The following CNGB1 variants were observed in gnomAD, a reference collection of about 807,000 sequenced individuals.
CNGB1 encodes the protein cyclic nucleotide-gated channel beta-1.
Under a neutral mutation model 151.7 loss-of-function variants are expected in CNGB1, and 126 were observed. The observed-to-expected ratio is 0.83, with a 90% confidence interval of 0.72 to 0.96. CNGB1 has a LOEUF of 0.96. Among genes scored for constraint, CNGB1 ranks in the 40% least tolerant of loss-of-function variants. The pLI is 0.00. For synonymous variants in CNGB1, 623 were observed against 635.1 expected, an observed-to-expected ratio of 0.98 and a Z score of 0.29; for missense variants, 1,698 against 1,627.0, an observed-to-expected ratio of 1.04 and a Z score of -0.75.
chr16:57,948,954 G>A (rs1243691388), intron 14 of CNGB1, among the ~76,000 whole-genome samples: 10 of 152,310 alleles, frequency 6.6e-5, no homozygotes, highest in Middle Eastern at 3.4e-3. Flanking sequence ...TGGAGGGGAG[G>A]CAGCCTTGGC....
intron 29 of CNGB1, among the ~76,000 whole-genome samples, chr16:57,900,809 T>A (rs996325683): frequency 4.0e-5 from 6 of 151,612 alleles, no homozygotes; most frequent in South Asian, 2.1e-4. Context: ...TTATACAAAA[T>A]CTCCAAATTT....
chr16:57,890,799 A>C (rs1294683128), intron 31 of CNGB1, among the ~76,000 whole-genome samples: 1 of 152,200 alleles, frequency 6.6e-6, no homozygotes, highest in Non-Finnish European at 1.5e-5. Context: ...CAGACAGTGT[A>C]TCTCCCCTGA....
intron 1 of CNGB1, among the ~76,000 whole-genome samples, chr16:57,969,413 T>C (rs1336611979): frequency 6.6e-6 from 1 of 152,146 alleles, no homozygotes; most frequent in East Asian, 1.9e-4. Flanking sequence ...GCTCAGGAGT[T>C]CGAGACCAGC....
chr16:57,884,179 C>G lies in CNGB1; in HGVS notation c.3741G>C (p.Glu1247Asp), dbSNP rs748268051. The G allele has an allele frequency of 2.5e-6, 4 of 1,613,938 alleles. No homozygotes were observed. In the South Asian group the frequency reaches 4.4e-5, roughly 18 times the overall value. ...TCACCCCACCTTACTCCGCCTTCTC[C>G]TCCCTTTCCTCCGGCATCTTCACCG... ...ILSVKMPEEREEKAE is the reference protein window; with the variant it reads ...ILSVKMPEERDEKAE The change falls in exon 33 of 33, where the codon GAG (glutamate) becomes GAC (aspartate). Residue 1247 changes from glutamate (E) to aspartate (D), a missense_variant. Physicochemically the swap from Glu to Asp is conservative, Grantham distance 45 (BLOSUM62 2). Transcript: ENST00000251102.
At position 57,960,458 on chromosome 16, in the gene CNGB1, C is replaced by G. The variant is rs369781740; in HGVS notation, c.583+24G>C. The stretch of plus-strand genomic sequence containing the variant: ...AGCCCGTGACCATCCCAGGCAGCCC[C>G]CTCCCGAGCTCCCCTCCCTGTACCT... On this transcript the variant is annotated intron_variant, in intron 9 of 32. Transcript: ENST00000251102. 7 of 1,611,994 alleles carry G rather than the reference C, an allele frequency of 4.3e-6. No individual in the cohort carries two copies. The African/African-American group carries it at 8.0e-5, about 18-fold the overall frequency.
At chr16:57,947,056 CAT>C (rs1961828057) in intron 14 of CNGB1, among the ~76,000 whole-genome samples, 2 of 152,164 alleles carry the variant, frequency 1.3e-5, no homozygotes, top group Non-Finnish European at 2.9e-5. Flanking sequence ...ATATATGAAG[CAT>C]GTGTGTGGGT....
intron 16 of CNGB1, 29 bp from the exon 17 acceptor site, chr16:57,931,907 C>A: frequency 1.9e-6 from 3 of 1,612,828 alleles, no homozygotes; most frequent in Non-Finnish European, 2.5e-6. Flanking sequence ...AGGAGAAAGT[C>A]AGAGAGAGAC....
At position 57,950,575 on chromosome 16, in the gene CNGB1, G is replaced by A. The variant is rs377641056; in HGVS notation, c.875-35C>T. The A allele has an allele frequency of 7.3e-5, 118 of 1,612,752 alleles. No individual in the cohort carries two copies. In the African/African-American group the frequency reaches 1.4e-3, roughly 19 times the overall value. ...ACACAGGAAGAGCCATTTATGGGAT[G>A]TGCGGGAGAGTGGGCTTGGGCCTCT... On this transcript the variant is annotated intron_variant, in intron 12 of 32. Transcript: ENST00000251102.
intron 31 of CNGB1, among the ~76,000 whole-genome samples, chr16:57,893,837 T>C (rs1960157330): frequency 6.6e-6 from 1 of 152,012 alleles, no homozygotes; most frequent in South Asian, 2.1e-4. Context: ...AGCAGCAAAG[T>C]AGGGGTTATG....
intron 12 of CNGB1, among the ~76,000 whole-genome samples, chr16:57,953,443 C>T (rs1009460699): frequency 6.8e-6 from 1 of 147,616 alleles, no homozygotes; most frequent in South Asian, 2.2e-4. Context: ...TGCAGTGAGC[C>T]GAGATCACAC....
chr16:57,923,020 A>AG, intron 18 of CNGB1: 1 of 392,142 alleles, frequency 2.6e-6, no homozygotes, highest in East Asian at 5.5e-5. Context: ...CTCTGCCTAG[A>AG]GATCCCTCCC....
chr16:57,913,207 T>A (rs1208373234), intron 23 of CNGB1, among the ~76,000 whole-genome samples: 1 of 152,222 alleles, frequency 6.6e-6, no homozygotes, highest in Non-Finnish European at 1.5e-5. Context: ...CGTCTTCCCT[T>A]GGAAATGACA....
At chr16:57,946,446 G>A (rs1024825154) in intron 14 of CNGB1, 1 of 152,360 alleles carries the variant, frequency 6.6e-6, no homozygotes, top group African/African-American at 2.4e-5. Flanking sequence ...TGGGGGCTGT[G>A]GCGTTCATCC....
Position 57,957,374 on chromosome 16 carries a change from G to T in CNGB1, c.841C>A (p.Pro281Thr). ...VLHGKIGEQE[P>T]DSPGICDVQT... ...ACATCACATATCCCAGGGGAGTCAG[G>T]CTCCTGCATGGAGAGAGAAAAAAGG... The change falls in exon 12 of 33, where the codon CCT (proline) becomes ACT (threonine). Residue 281 changes from proline to threonine, a missense_variant. Coordinates refer to ENST00000251102, the MANE Select transcript of CNGB1 (RefSeq NM_001297.5). The T allele has an allele frequency of 6.2e-7, 1 of 1,614,012 alleles. No homozygotes were observed. The highest frequency in any genetic ancestry group is 1.3e-5 in the African/African-American group (1 of 75,038).
At chr16:57,947,910 G>A (rs908642939) in intron 14 of CNGB1, among the ~76,000 whole-genome samples, 5 of 152,186 alleles carry the variant, frequency 3.3e-5, no homozygotes, top group African/African-American at 7.2e-5. Context: ...AGCTCTGAGC[G>A]GGTACACCAC....
chr16:57,916,705 C>T (rs1025579695), intron 21 of CNGB1, among the ~76,000 whole-genome samples: 2 of 152,126 alleles, frequency 1.3e-5, no homozygotes, highest in Non-Finnish European at 2.9e-5. Flanking sequence ...CAGTCAGGGC[C>T]TCAGTTTCCT....
At chr16:57,903,574 A>AG (rs1430671130) in intron 27 of CNGB1, among the ~76,000 whole-genome samples, 2 of 152,186 alleles carry the variant, frequency 1.3e-5, no homozygotes, top group Admixed American at 1.3e-4. Flanking sequence ...GGGTAAAGTG[A>AG]GGGGGGCAGG....
intron 12 of CNGB1, among the ~76,000 whole-genome samples, chr16:57,955,796 G>A (rs1199243410): frequency 2.6e-5 from 4 of 152,180 alleles, no homozygotes; most frequent in African/African-American, 9.7e-5. Context: ...GCCAAGGACC[G>A]CAAGTGGCCA....
intron 8 of CNGB1, 44 bp from the exon 9 acceptor site, chr16:57,960,574 C>T: frequency 6.3e-7 from 1 of 1,597,384 alleles, no homozygotes; most frequent in Non-Finnish European, 8.6e-7. Context: ...ATAGCAAGCT[C>T]TGTGCGCTTC....
Sources: gnomAD v4.1 joint callset for allele counts (sites outside exome capture counted in the v4.1 genomes callset) on GRCh38, gnomAD v4.1.1 for gene constraint, MANE v1.5 for transcripts, NCBI Gene and HGNC (gene_info 2026-07-23, HGNC 2026-07-21) for gene names.